The following EEPD1 variants were observed in gnomAD, a reference collection of about 807,000 sequenced individuals.
The protein encoded by EEPD1 is endonuclease/exonuclease/phosphatase family domain containing 1.
Under a neutral mutation model 46.3 loss-of-function variants are expected in EEPD1, and 17 were observed. The observed-to-expected ratio is 0.37, with a 90% confidence interval of 0.25 to 0.55. The LOEUF (loss-of-function observed/expected upper bound fraction) is 0.55. Among genes scored for constraint, EEPD1 ranks in the 20% least tolerant of loss-of-function variants. EEPD1 has a pLI of 0.83. For missense variants in EEPD1, 673 were observed against 745.6 expected, an observed-to-expected ratio of 0.90 and a Z score of 1.13; for synonymous variants, 313 against 315.6, an observed-to-expected ratio of 0.99 and a Z score of 0.09.
chr7:36,226,534 C>T (rs983276202), intron 2 of EEPD1, among the ~76,000 whole-genome samples: 1 of 152,270 alleles, frequency 6.6e-6, no homozygotes, highest in East Asian at 1.9e-4. Context: ...AAAACATGTT[C>T]AGGAACTACT....
intron 2 of EEPD1, among the ~76,000 whole-genome samples, chr7:36,218,475 A>G (rs1276976517): frequency 6.6e-6 from 1 of 152,166 alleles, no homozygotes; most frequent in Non-Finnish European, 1.5e-5. Flanking sequence ...AACACCTTAT[A>G]CTGTACAGAC....
intron 3 of EEPD1, 32 bp from the exon 4 acceptor site, chr7:36,281,083 C>A (rs1787252710): frequency 6.2e-7 from 1 of 1,603,488 alleles, no homozygotes; most frequent in East Asian, 2.2e-5. Flanking sequence ...AGGCGCGAAC[C>A]CACGCTTCTG....
chr7:36,271,578 A>G (rs1280658386), intron 3 of EEPD1, among the ~76,000 whole-genome samples: 2 of 151,858 alleles, frequency 1.3e-5, no homozygotes, highest in Non-Finnish European at 2.9e-5. Flanking sequence ...CACTCTGATG[A>G]TAGTTTCTTT....
At chr7:36,237,680 T>G (rs1786479360) in intron 2 of EEPD1, among the ~76,000 whole-genome samples, 1 of 152,012 alleles carries the variant, frequency 6.6e-6, no homozygotes, top group Admixed American at 6.5e-5. Context: ...TCAAGCACAG[T>G]GGACTCACGC....
Position 36,297,079 on chromosome 7 carries a change from C to T in EEPD1, c.1402C>T (p.His468Tyr), listed in dbSNP as rs1481343648. 1.1e-5 allele frequency: 18 copies of T among 1,614,206 alleles called. No individual in the cohort carries two copies. The highest frequency in any genetic ancestry group is 1.5e-5 in the Non-Finnish European group (18 of 1,180,040). The change falls in exon 7 of 8, where the codon CAC (histidine) becomes TAC (tyrosine). Residue 468 changes from histidine to tyrosine, a missense_variant. His to Tyr is a moderately conservative substitution (Grantham distance 83, BLOSUM62 2). Transcript: ENST00000242108. ...YDILRKEKFH[H>Y]LIPAHTFTNI... Reference sequence around the variant, plus strand: ...TATCCTGAGGAAAGAAAAGTTCCACCACCTGATCCCCGCGCACACCTTCAC... The same window carrying T: ...TATCCTGAGGAAAGAAAAGTTCCACTACCTGATCCCCGCGCACACCTTCAC...
intron 2 of EEPD1, among the ~76,000 whole-genome samples, chr7:36,207,519 C>G (rs1191160027): frequency 6.6e-6 from 1 of 152,110 alleles, no homozygotes; most frequent in African/African-American, 2.4e-5. Context: ...GGGCTGGAAC[C>G]CAGGAGTTTG....
chr7:36,210,478 T>C (rs1019919882), intron 2 of EEPD1, among the ~76,000 whole-genome samples: 2 of 152,132 alleles, frequency 1.3e-5, no homozygotes, highest in Non-Finnish European at 2.9e-5. Context: ...GATAATGATG[T>C]CTCCTTCAGC....
At chr7:36,214,880 C>T (rs764997499) in intron 2 of EEPD1, among the ~76,000 whole-genome samples, 6 of 152,168 alleles carry the variant, frequency 3.9e-5, no homozygotes, top group Admixed American at 6.5e-5. Flanking sequence ...GAGAATCAAG[C>T]TGGTATAATT....
At chr7:36,258,809 G>A (rs905864924) in intron 3 of EEPD1, among the ~76,000 whole-genome samples, 1 of 151,250 alleles carries the variant, frequency 6.6e-6, no homozygotes, top group African/African-American at 2.4e-5. Context: ...CCTGGCTTCA[G>A]CCTTATTTCC....
At chr7:36,197,320 C>T (rs888582634) in intron 2 of EEPD1, among the ~76,000 whole-genome samples, 6 of 151,228 alleles carry the variant, frequency 4.0e-5, no homozygotes, top group East Asian at 2.0e-4. Context: ...CGGCCAGCCG[C>T]CCAGTCCAGG....
At chr7:36,157,683 T>G (rs1023828523) in intron 2 of EEPD1, among the ~76,000 whole-genome samples, 3 of 152,208 alleles carry the variant, frequency 2.0e-5, no homozygotes, top group African/African-American at 7.2e-5. Context: ...CTGGTCACAA[T>G]GGATTCAGTA....
intron 2 of EEPD1, among the ~76,000 whole-genome samples, chr7:36,219,272 C>T (rs1464547239): frequency 2.0e-5 from 3 of 151,472 alleles, no homozygotes; most frequent in South Asian, 2.1e-4. Context: ...AAAATTTAAA[C>T]GTTAGGAACA....
At chr7:36,254,622 T>C (rs1486779590) in intron 3 of EEPD1, among the ~76,000 whole-genome samples, 1 of 152,224 alleles carries the variant, frequency 6.6e-6, no homozygotes, top group East Asian at 1.9e-4. Context: ...GAATGGTTTA[T>C]AATCCTTTGG....
intron 3 of EEPD1, among the ~76,000 whole-genome samples, chr7:36,245,286 A>G (rs1169843684): frequency 6.6e-6 from 1 of 151,962 alleles, no homozygotes; most frequent in Non-Finnish European, 1.5e-5. Flanking sequence ...AGAGGGGGAC[A>G]TTTTGCCCTT....
At chr7:36,235,507 G>A (rs927255307) in intron 2 of EEPD1, among the ~76,000 whole-genome samples, 1 of 152,234 alleles carries the variant, frequency 6.6e-6, no homozygotes, top group Non-Finnish European at 1.5e-5. Context: ...CTCTGGCCTT[G>A]GCTGGGCCCG....
chr7:36,169,982 G>A (rs1206366853), intron 2 of EEPD1, among the ~76,000 whole-genome samples: 3 of 152,220 alleles, frequency 2.0e-5, no homozygotes, highest in East Asian at 3.9e-4. Context: ...CCAATGAGAG[G>A]TGAGCTCTGG....
At chr7:36,284,613 G>C in intron 4 of EEPD1, 73 bp from the exon 5 acceptor site, 1 of 1,550,208 alleles carries the variant, frequency 6.5e-7, no homozygotes, top group Non-Finnish European at 8.7e-7. Context: ...CGGTCTCTCT[G>C]GCCTCTCTGC....
At chr7:36,258,564 G>C (rs189590311) in intron 3 of EEPD1, among the ~76,000 whole-genome samples, 1 of 152,308 alleles carries the variant, frequency 6.6e-6, no homozygotes, top group Admixed American at 6.5e-5. Flanking sequence ...GGCTACAGTG[G>C]CTTTGCAGAG....
At chr7:36,173,190 A>T (rs1562673491) in intron 2 of EEPD1, among the ~76,000 whole-genome samples, 2 of 151,964 alleles carry the variant, frequency 1.3e-5, no homozygotes, top group Non-Finnish European at 1.5e-5. Context: ...TTCTCATGAT[A>T]GTGAGTGAGT....
Sources: allele counts gnomAD v4.1 joint callset (sites outside exome capture counted in the v4.1 genomes callset), GRCh38; gene constraint gnomAD v4.1.1; transcripts MANE v1.5; gene names NCBI Gene and HGNC (gene_info 2026-07-23, HGNC 2026-07-21).